The following NSUN3 variants were observed in gnomAD, a reference collection of about 807,000 sequenced individuals.
The protein encoded by NSUN3 is tRNA (cytosine(34)-C(5))-methyltransferase, mitochondrial.
Under a neutral mutation model 36.8 loss-of-function variants are expected in NSUN3, and 24 were observed. The ratio of observed to expected loss-of-function variants is 0.65; its 90% CI spans 0.47 to 0.92. The LOEUF is 0.92. Ranked by LOEUF, NSUN3 falls within the 40% of genes least tolerant of loss-of-function variation. The pLI is 0.00. For missense variants in NSUN3, 381 were observed against 392.8 expected (o/e 0.97, Z 0.25); for synonymous variants, 146 against 145.2 (o/e 1.01, Z -0.04).
At chr3:94,096,702 G>T (rs886559882) in intron 5 of NSUN3, among the ~76,000 whole-genome samples, 3 of 152,104 alleles carry the variant, frequency 2.0e-5, no homozygotes, top group African/African-American at 7.2e-5. Context: ...GTTTCACCAT[G>T]TTGACCAGGC....
At chr3:94,071,529 A>G (rs2077224750) in intron 2 of NSUN3, among the ~76,000 whole-genome samples, 2 of 152,238 alleles carry the variant, frequency 1.3e-5, no homozygotes, top group Admixed American at 6.5e-5. Context: ...AGGCAGTATA[A>G]TTTGTATTTT....
At chr3:94,106,596 A>T (rs1430087426) in intron 5 of NSUN3, among the ~76,000 whole-genome samples, 5 of 152,198 alleles carry the variant, frequency 3.3e-5, no homozygotes, top group Non-Finnish European at 7.3e-5. Flanking sequence ...CATCTATTTG[A>T]TAGATTGTAC....
At chr3:94,090,939 T>A (rs1358743543) in intron 3 of NSUN3, among the ~76,000 whole-genome samples, 1 of 152,132 alleles carries the variant, frequency 6.6e-6, no homozygotes, top group Admixed American at 6.5e-5. Context: ...ACCCACCATA[T>A]AAGGTAAACC....
At chr3:94,083,303 A>G (rs1450080875) in intron 2 of NSUN3, among the ~76,000 whole-genome samples, 1 of 152,192 alleles carries the variant, frequency 6.6e-6, no homozygotes, top group Non-Finnish European at 1.5e-5. Flanking sequence ...CAGCAAAGCA[A>G]GGAAAGAATG....
At chr3:94,063,217 C>A in intron 1 of NSUN3, 79 bp downstream of exon 1, 1 of 1,404,918 alleles carries the variant, frequency 7.1e-7, no homozygotes, top group Non-Finnish European at 1.0e-6. Flanking sequence ...AGGGAGGGTG[C>A]TGGGATGGGG....
intron 2 of NSUN3, among the ~76,000 whole-genome samples, chr3:94,068,562 C>T (rs2077213852): frequency 6.6e-6 from 1 of 152,044 alleles, no homozygotes; most frequent in Admixed American, 6.6e-5. Flanking sequence ...ATATCCTGCC[C>T]TCAAATACAT....
chr3:94,092,104 GC>G (rs2077317513), intron 3 of NSUN3, among the ~76,000 whole-genome samples: 2 of 152,142 alleles, frequency 1.3e-5, no homozygotes, highest in Non-Finnish European at 2.9e-5. Context: ...TTTAGCAGTT[GC>G]CTGAAGGGGT....
At chr3:94,079,520 G>T (rs1229414227) in intron 2 of NSUN3, among the ~76,000 whole-genome samples, 2 of 152,106 alleles carry the variant, frequency 1.3e-5, no homozygotes, top group Non-Finnish European at 2.9e-5. Context: ...CTTGAAGACT[G>T]TTTTCCAACT....
chr3:94,070,717 C>T (rs963228294), intron 2 of NSUN3, among the ~76,000 whole-genome samples: 1 of 152,162 alleles, frequency 6.6e-6, no homozygotes, highest in African/African-American at 2.4e-5. Flanking sequence ...GGCACACTTG[C>T]ACCATTCTGG....
chr3:94,093,804 T>C (rs746933468), intron 3 of NSUN3, among the ~76,000 whole-genome samples: 53 of 152,214 alleles, frequency 3.5e-4, no homozygotes, highest in Non-Finnish European at 5.4e-4. Flanking sequence ...GTCTGAGGTA[T>C]TGGTTGTATA....
chr3:94,077,537 G>A (rs2077251630), intron 2 of NSUN3, among the ~76,000 whole-genome samples: 1 of 152,140 alleles, frequency 6.6e-6, no homozygotes, highest in Non-Finnish European at 1.5e-5. Flanking sequence ...TTGTACGTTT[G>A]GTAGAATTCG....
Position 94,126,456 on chromosome 3 carries a change from A to G in NSUN3, c.989A>G (p.Lys330Arg). Reference protein sequence around the residue: ...GKAWGPMYVAKLKKSWSTGKW With the variant: ...GKAWGPMYVARLKKSWSTGKW ...GCCTGGGGCCCAATGTATGTAGCCA[A>G]ATTGAAGAAATCATGGAGCACAGGA... Residue 330 changes from lysine (K) to arginine (R), a missense_variant, in exon 6 of 6, where the codon AAA becomes AGA. Lys to Arg is a conservative substitution (Grantham distance 26, BLOSUM62 2). Coordinates refer to ENST00000314622, the MANE Select transcript of NSUN3 (RefSeq NM_022072.5). The G allele has an allele frequency of 6.2e-7, 1 of 1,610,886 alleles. No individual in the cohort carries two copies. The highest frequency in any genetic ancestry group is 8.5e-7 in the Non-Finnish European group (1 of 1,177,188).
At chr3:94,101,239 C>T (rs1339133298) in intron 5 of NSUN3, among the ~76,000 whole-genome samples, 1 of 152,068 alleles carries the variant, frequency 6.6e-6, no homozygotes, top group Non-Finnish European at 1.5e-5. Context: ...GTGATCCTGA[C>T]TCTTTGGCCT....
At chr3:94,092,732 C>T (rs898764637) in intron 3 of NSUN3, among the ~76,000 whole-genome samples, 6 of 151,746 alleles carry the variant, frequency 4.0e-5, no homozygotes, top group Middle Eastern at 3.4e-3. Context: ...GGCGAAACCC[C>T]GTCTCTACTA....
intron 5 of NSUN3, among the ~76,000 whole-genome samples, chr3:94,124,328 T>C (rs1648119033): frequency 6.6e-6 from 1 of 151,910 alleles, no homozygotes; most frequent in Non-Finnish European, 1.5e-5. Flanking sequence ...GGTTTCCCCA[T>C]GTGGTCCATG....
chr3:94,079,795 C>T (rs2077260605), intron 2 of NSUN3, among the ~76,000 whole-genome samples: 2 of 152,014 alleles, frequency 1.3e-5, no homozygotes, highest in Admixed American at 1.3e-4. Flanking sequence ...TTATGTTCTT[C>T]TCTAAACTGG....
At chr3:94,076,404 A>C in intron 2 of NSUN3, 2 of 800,684 alleles carry the variant, frequency 2.5e-6, no homozygotes, top group South Asian at 2.7e-5. Context: ...GTATTGTTTG[A>C]ACAAGTATCC....
At chr3:94,119,176 G>A (rs1454109645) in intron 5 of NSUN3, among the ~76,000 whole-genome samples, 2 of 152,164 alleles carry the variant, frequency 1.3e-5, no homozygotes, top group East Asian at 1.9e-4. Context: ...TTAGATTTTA[G>A]TAGTGTGCTA....
intron 3 of NSUN3, among the ~76,000 whole-genome samples, chr3:94,089,092 C>T (rs929477727): frequency 2.6e-5 from 4 of 152,204 alleles, no homozygotes; most frequent in African/African-American, 4.8e-5. Context: ...ATGTCAACAA[C>T]ATTTTAACAA....
Sources: allele counts gnomAD v4.1 joint callset (sites outside exome capture counted in the v4.1 genomes callset), GRCh38; gene constraint gnomAD v4.1.1; transcripts MANE v1.5; gene names NCBI Gene and HGNC (gene_info 2026-07-23, HGNC 2026-07-21).